PRKCE: variants seen among roughly 807,000 people sequenced by gnomAD.
PRKCE encodes protein kinase C epsilon type.
Under a neutral mutation model 85.4 loss-of-function variants are expected in PRKCE, and 16 were observed. The ratio of observed to expected loss-of-function variants is 0.19; its 90% CI spans 0.13 to 0.28. The LOEUF (loss-of-function observed/expected upper bound fraction) is 0.28. PRKCE is among the 10% of genes least tolerant of loss of function. PRKCE has a pLI of 1.00. For missense variants in PRKCE, 573 were observed against 975.2 expected, an observed-to-expected ratio of 0.59 and a Z score of 5.49; for synonymous variants, 388 against 371.5, an observed-to-expected ratio of 1.04 and a Z score of -0.51.
chr2:45,897,286 G>T (rs1450206954), intron 2 of PRKCE, among the ~76,000 whole-genome samples: 2 of 152,048 alleles, frequency 1.3e-5, no homozygotes, highest in African/African-American at 4.8e-5. Flanking sequence ...TTCCCAGACT[G>T]TATCTCCTGA....
intron 10 of PRKCE, among the ~76,000 whole-genome samples, chr2:46,012,103 A>T (rs953389884): frequency 2.6e-5 from 4 of 152,168 alleles, no homozygotes; most frequent in African/African-American, 9.7e-5. Flanking sequence ...AGACTCAGTG[A>T]TGGAGTTAAC....
chr2:45,675,484 C>G (rs1676391198), intron 1 of PRKCE: 2 of 152,212 alleles, frequency 1.3e-5, no homozygotes, highest in Admixed American at 1.3e-4. Flanking sequence ...GGAGTGAATT[C>G]TAAATGAATC....
chr2:45,767,846 G>T (rs947052495), intron 1 of PRKCE, among the ~76,000 whole-genome samples: 67 of 152,278 alleles, frequency 4.4e-4, no homozygotes, highest in Middle Eastern at 3.4e-3. Context: ...AGTATCACAG[G>T]TGTTTGCCTC....
At chr2:45,914,382 G>A (rs1475810790) in intron 2 of PRKCE, among the ~76,000 whole-genome samples, 1 of 152,232 alleles carries the variant, frequency 6.6e-6, no homozygotes, top group African/African-American at 2.4e-5. Flanking sequence ...GTGTCTCAAC[G>A]ATGTGTGGTC....
intron 2 of PRKCE, among the ~76,000 whole-genome samples, chr2:45,857,586 T>C (rs1270558454): frequency 1.3e-5 from 2 of 152,216 alleles, no homozygotes; most frequent in African/African-American, 4.8e-5. Flanking sequence ...TTTGTTTATT[T>C]ATTTATTTTG....
rs576922114 is a variant in PRKCE, at chr2:46,144,752, A to C, written c.1593-341A>C. 4.6e-5 allele frequency among the ~76,000 whole-genome samples: 7 copies of C among 152,298 alleles called. No individual in the cohort carries two copies. In the East Asian group the frequency reaches 1.4e-3, roughly 29 times the overall value. ...GTTAGTTCATGAGGGACAGGGGTAGATGCTTCTTTCTTTCATAGCAGGATC... is the reference window on the plus strand; with the variant it reads ...GTTAGTTCATGAGGGACAGGGGTAGCTGCTTCTTTCTTTCATAGCAGGATC... On this transcript the variant is annotated intron_variant, in intron 11 of 14. Transcript: ENST00000306156.
At chr2:45,872,768 G>A (rs1472402897) in intron 2 of PRKCE, among the ~76,000 whole-genome samples, 4 of 152,170 alleles carry the variant, frequency 2.6e-5, no homozygotes, top group Non-Finnish European at 5.9e-5. Context: ...AGACCTCAAG[G>A]GGCTGGGGCC....
chr2:45,999,141 T>C (rs900030741), intron 6 of PRKCE, among the ~76,000 whole-genome samples: 2 of 152,190 alleles, frequency 1.3e-5, no homozygotes, highest in African/African-American at 4.8e-5. Flanking sequence ...TAAAAGTTTT[T>C]ATTTTACCTC....
intron 11 of PRKCE, among the ~76,000 whole-genome samples, chr2:46,092,505 C>G (rs1670267552): frequency 6.6e-6 from 1 of 152,134 alleles, no homozygotes. Flanking sequence ...TCAGGAGGTA[C>G]TTAGAAAGGG....
chr2:45,788,986 A>G (rs748857330), intron 1 of PRKCE, among the ~76,000 whole-genome samples: 2 of 152,192 alleles, frequency 1.3e-5, no homozygotes, highest in African/African-American at 2.4e-5. Flanking sequence ...ATCTTTGGAG[A>G]TGTGTCCCAT....
chr2:46,085,755 G>GTTTTTTTT (rs869284473), intron 10 of PRKCE, among the ~76,000 whole-genome samples: 1 of 21,562 alleles, frequency 4.6e-5, no homozygotes, highest in Non-Finnish European at 9.2e-5. Flanking sequence ...TTTTGTTTTT[G>GTTTTTTTT]TTTTTTTTTT....
At chr2:46,031,604 G>A (rs1486873815) in intron 10 of PRKCE, among the ~76,000 whole-genome samples, 1 of 121,812 alleles carries the variant, frequency 8.2e-6, no homozygotes, top group Non-Finnish European at 1.7e-5. Context: ...GTGTGTGTGT[G>A]TGTGTGTGTG....
intron 2 of PRKCE, among the ~76,000 whole-genome samples, chr2:45,864,418 A>T (rs1275648210): frequency 6.6e-6 from 1 of 152,142 alleles, no homozygotes; most frequent in Non-Finnish European, 1.5e-5. Flanking sequence ...ATCCTTCAAC[A>T]TTTTTAGGAA....
intron 2 of PRKCE, among the ~76,000 whole-genome samples, chr2:45,936,141 A>G (rs1372379037): frequency 6.6e-6 from 1 of 152,074 alleles, no homozygotes; most frequent in Admixed American, 6.5e-5. Flanking sequence ...CACTCTGGTC[A>G]CGCCAAGGAT....
chr2:45,734,851 T>G (rs986849218), intron 1 of PRKCE, among the ~76,000 whole-genome samples: 1 of 152,242 alleles, frequency 6.6e-6, no homozygotes, highest in Non-Finnish European at 1.5e-5. Flanking sequence ...ATGGAAAGAC[T>G]GGTTTATGGG....
chr2:46,129,030 T>A (rs375205134), intron 11 of PRKCE, among the ~76,000 whole-genome samples: 27 of 152,318 alleles, frequency 1.8e-4, no homozygotes, highest in African/African-American at 6.5e-4. Context: ...GCCTCTGAGT[T>A]TCAAATCTTA....
At chr2:46,116,802 C>T (rs1444052837) in intron 11 of PRKCE, among the ~76,000 whole-genome samples, 1 of 151,994 alleles carries the variant, frequency 6.6e-6, no homozygotes, top group East Asian at 1.9e-4. Flanking sequence ...GTAAAAGCAT[C>T]CTATACTGAA....
chr2:45,737,890 A>G (rs553769798), intron 1 of PRKCE, among the ~76,000 whole-genome samples: 2 of 152,092 alleles, frequency 1.3e-5, no homozygotes, highest in Non-Finnish European at 2.9e-5. Context: ...GAACAAATTT[A>G]CATCCCTCCC....
At chr2:45,812,118 AC>A (rs1442358292) in intron 1 of PRKCE, among the ~76,000 whole-genome samples, 1 of 152,164 alleles carries the variant, frequency 6.6e-6, no homozygotes, top group Non-Finnish European at 1.5e-5. Context: ...TGGGTGAGTC[AC>A]CCCACCTCTC....
Sources: allele counts gnomAD v4.1 joint callset (sites outside exome capture counted in the v4.1 genomes callset), GRCh38; gene constraint gnomAD v4.1.1; transcripts MANE v1.5; gene names NCBI Gene and HGNC (gene_info 2026-07-23, HGNC 2026-07-21).